The following ZNF804A variants were observed in gnomAD, a reference collection of about 807,000 sequenced individuals.
The protein encoded by ZNF804A is zinc finger protein 804A.
A neutral mutation model predicts 16.5 loss-of-function variants in ZNF804A; 2 were observed. That is an observed-to-expected ratio of 0.12 (90% CI 0.05 to 0.38). The LOEUF is 0.38. Ranked by LOEUF, ZNF804A falls within the 10% of genes least tolerant of loss-of-function variation. The pLI, the probability that ZNF804A is intolerant of heterozygous loss-of-function variation, is 0.99. For missense variants in ZNF804A, 1,473 were observed against 1,390.7 expected (o/e 1.06, Z -0.94); for synonymous variants, 534 against 489.6 (o/e 1.09, Z -1.20).
At chr2:184,702,824 T>G (rs910083418) in intron 1 of ZNF804A, among the ~76,000 whole-genome samples, 3 of 152,164 alleles carry the variant, frequency 2.0e-5, no homozygotes, top group African/African-American at 7.2e-5. Context: ...CCTCTGTATG[T>G]TATGTGTATA....
intron 1 of ZNF804A, among the ~76,000 whole-genome samples, chr2:184,650,271 A>T (rs1242002644): frequency 6.6e-6 from 1 of 152,138 alleles, no homozygotes; most frequent in African/African-American, 2.4e-5. Context: ...CCTTCATGAT[A>T]AAAACTCTTC....
intron 1 of ZNF804A, among the ~76,000 whole-genome samples, chr2:184,827,319 G>T (rs2105793685): frequency 6.7e-6 from 1 of 149,858 alleles, no homozygotes; most frequent in African/African-American, 2.4e-5. Flanking sequence ...TAGAAAGTAG[G>T]CCCCCACACA....
At position 184,598,747 on chromosome 2, in the gene ZNF804A, G is replaced by T; in HGVS notation, c.-213G>T. Reference sequence around the variant, plus strand: ...TGAGGAGAAACAGGAGCGAGAGACTGAGGGGAGAGCGCGGCGAGCATGCGG... The same window carrying T: ...TGAGGAGAAACAGGAGCGAGAGACTTAGGGGAGAGCGCGGCGAGCATGCGG... On this transcript the variant is annotated 5_prime_UTR_variant, in exon 1 of 4. Transcript: ENST00000302277. 2.8e-6 allele frequency: 1 copy of T among 360,422 alleles called. No individual in the cohort carries two copies. Among genetic ancestry groups the T allele is most frequent in the Non-Finnish European group, 4.9e-6 (1 of 204,296 alleles). The allele number at this position is 360,422 out of a possible 1,614,324, so 22.3% of individuals were successfully genotyped here.
At chr2:184,746,070 A>C (rs774064041) in intron 1 of ZNF804A, among the ~76,000 whole-genome samples, 13 of 151,500 alleles carry the variant, frequency 8.6e-5, no homozygotes, top group Non-Finnish European at 1.6e-4. Context: ...ACATTTTTCC[A>C]ATCTTTAATG....
chr2:184,720,136 T>A (rs1693283888), intron 1 of ZNF804A, among the ~76,000 whole-genome samples: 1 of 152,018 alleles, frequency 6.6e-6, no homozygotes, highest in Non-Finnish European at 1.5e-5. Context: ...CTCCTGTTTT[T>A]AAAAGCATCA....
intron 1 of ZNF804A, among the ~76,000 whole-genome samples, chr2:184,837,048 G>C (rs917417384): frequency 6.6e-6 from 1 of 151,930 alleles, no homozygotes; most frequent in Non-Finnish European, 1.5e-5. Context: ...CTTCTTCGCA[G>C]ATCAGTTCAG....
At chr2:184,907,182 A>G (rs1685289784) in intron 2 of ZNF804A, among the ~76,000 whole-genome samples, 1 of 152,210 alleles carries the variant, frequency 6.6e-6, no homozygotes, top group Non-Finnish European at 1.5e-5. Flanking sequence ...GTGACAATCT[A>G]TGAAACATGG....
At chr2:184,777,589 G>T (rs1694308768) in intron 1 of ZNF804A, among the ~76,000 whole-genome samples, 1 of 151,262 alleles carries the variant, frequency 6.6e-6, no homozygotes, top group Admixed American at 6.6e-5. Flanking sequence ...TCTAAAGGAA[G>T]ATAAGCCCTA....
At chr2:184,783,945 A>T (rs1694409987) in intron 1 of ZNF804A, among the ~76,000 whole-genome samples, 1 of 152,028 alleles carries the variant, frequency 6.6e-6, no homozygotes, top group Non-Finnish European at 1.5e-5. Context: ...GACAATCACC[A>T]CATTTAGATT....
intron 1 of ZNF804A, among the ~76,000 whole-genome samples, chr2:184,625,043 G>A (rs570242673): frequency 2.2e-4 from 34 of 152,084 alleles, no homozygotes; most frequent in South Asian, 8.3e-4. Flanking sequence ...TACCTACAAG[G>A]TACTCTTGGT....
intron 1 of ZNF804A, among the ~76,000 whole-genome samples, chr2:184,849,216 T>A (rs1419882440): frequency 6.6e-6 from 1 of 151,976 alleles, no homozygotes; most frequent in Non-Finnish European, 1.5e-5. Flanking sequence ...TTTCTCAGAA[T>A]TTTGGGTTGT....
intron 1 of ZNF804A, among the ~76,000 whole-genome samples, chr2:184,851,661 T>C (rs376108032): frequency 5.9e-5 from 9 of 151,956 alleles, no homozygotes; most frequent in East Asian, 3.8e-4. Context: ...AGTACAGATA[T>C]TTCTTCAACA....
chr2:184,638,774 A>T (rs1344470243), intron 1 of ZNF804A, among the ~76,000 whole-genome samples: 1 of 151,510 alleles, frequency 6.6e-6, no homozygotes, highest in Non-Finnish European at 1.5e-5. Context: ...TGGTTTAAAA[A>T]TCACAGATAT....
chr2:184,811,581 T>C (rs1694903632), intron 1 of ZNF804A, among the ~76,000 whole-genome samples: 1 of 152,142 alleles, frequency 6.6e-6, no homozygotes, highest in Non-Finnish European at 1.5e-5. Flanking sequence ...GGTGTGGTGT[T>C]GCACACCTAC....
At chr2:184,896,414 G>A (rs946147687) in intron 2 of ZNF804A, among the ~76,000 whole-genome samples, 14 of 152,094 alleles carry the variant, frequency 9.2e-5, no homozygotes, top group Middle Eastern at 3.2e-3. Flanking sequence ...GAGTCATGGC[G>A]CCATCAATCA....
At chr2:184,715,669 G>A (rs935421259) in intron 1 of ZNF804A, among the ~76,000 whole-genome samples, 1 of 152,150 alleles carries the variant, frequency 6.6e-6, no homozygotes, top group Non-Finnish European at 1.5e-5. Context: ...CCAAAGTGCT[G>A]ATATTATAGG....
chr2:184,707,644 A>G (rs919362259), intron 1 of ZNF804A, among the ~76,000 whole-genome samples: 2 of 152,124 alleles, frequency 1.3e-5, no homozygotes, highest in Non-Finnish European at 2.9e-5. Context: ...GCTAAATAGT[A>G]TTCCGTGGTG....
chr2:184,926,527 T>A (rs1311551150), intron 2 of ZNF804A, among the ~76,000 whole-genome samples: 1 of 152,088 alleles, frequency 6.6e-6, no homozygotes, highest in Non-Finnish European at 1.5e-5. Flanking sequence ...CTTCTTTTAC[T>A]TGGATATTGG....
intron 2 of ZNF804A, among the ~76,000 whole-genome samples, chr2:184,916,316 A>G (rs759450976): frequency 1.1e-4 from 16 of 152,148 alleles, no homozygotes; most frequent in Non-Finnish European, 2.2e-4. Flanking sequence ...AACACTTAAC[A>G]AGGTAATTCT....
Sources: allele counts gnomAD v4.1 joint callset (sites outside exome capture counted in the v4.1 genomes callset), GRCh38; gene constraint gnomAD v4.1.1; transcripts MANE v1.5; gene names NCBI Gene and HGNC (gene_info 2026-07-23, HGNC 2026-07-21).